Variants in CPNE8 observed in about 807,000 individuals in gnomAD.
The protein encoded by CPNE8 is copine-8.
In CPNE8, 45 loss-of-function variants were observed where a neutral mutation model predicts 81.5. That is an observed-to-expected ratio of 0.55 (90% CI 0.44 to 0.71). CPNE8 has a LOEUF of 0.71. Ranked by LOEUF, CPNE8 falls within the 30% of genes least tolerant of loss-of-function variation. The probability of loss-of-function intolerance (pLI) is 0.00; values close to 1 mark genes in which losing one functional copy is unlikely to be tolerated. For synonymous variants in CPNE8, 252 were observed against 226.3 expected (o/e 1.11, Z -1.02); for missense variants, 594 against 672.1 (o/e 0.88, Z 1.28).
At chr12:38,787,865 A>T (rs374413820) in intron 6 of CPNE8, among the ~76,000 whole-genome samples, 13 of 151,506 alleles carry the variant, frequency 8.6e-5, no homozygotes, top group African/African-American at 2.9e-4. Flanking sequence ...AAATACCTAG[A>T]CATATACAAT....
At chr12:38,699,149 CA>C (rs1304803663) in intron 14 of CPNE8, among the ~76,000 whole-genome samples, 1 of 152,094 alleles carries the variant, frequency 6.6e-6, no homozygotes, top group Non-Finnish European at 1.5e-5. Flanking sequence ...ATGTTTTCTT[CA>C]AAAAATAATT....
At chr12:38,717,775 G>A (rs1157028691) in intron 13 of CPNE8, among the ~76,000 whole-genome samples, 3 of 151,322 alleles carry the variant, frequency 2.0e-5, no homozygotes, top group Admixed American at 6.6e-5. Context: ...ACTTATCCAT[G>A]CAACCAAAAT....
chr12:38,696,834 T>C (rs923934729), intron 14 of CPNE8, among the ~76,000 whole-genome samples: 2 of 152,108 alleles, frequency 1.3e-5, no homozygotes, highest in Non-Finnish European at 2.9e-5. Context: ...CGCTTTGAGC[T>C]CAGGAATTCG....
intron 10 of CPNE8, among the ~76,000 whole-genome samples, chr12:38,752,113 AATAATTAC>A (rs1415197785): frequency 6.6e-6 from 1 of 152,190 alleles, no homozygotes; most frequent in Non-Finnish European, 1.5e-5. Context: ...TAAAACTATA[AATAATTAC>A]ATAATTAACT....
intron 10 of CPNE8, among the ~76,000 whole-genome samples, chr12:38,735,567 C>T (rs917260042): frequency 6.6e-6 from 1 of 152,028 alleles, no homozygotes; most frequent in Non-Finnish European, 1.5e-5. Flanking sequence ...TGACAAACTT[C>T]TCAGCATCTA....
At chr12:38,805,545 A>C (rs1445204140) in intron 6 of CPNE8, among the ~76,000 whole-genome samples, 1 of 111,886 alleles carries the variant, frequency 8.9e-6, no homozygotes, top group Non-Finnish European at 1.9e-5. Context: ...TAGCATTGGG[A>C]GATATACCTA....
At chr12:38,847,310 A>G (rs1057455231) in intron 4 of CPNE8, among the ~76,000 whole-genome samples, 1 of 152,200 alleles carries the variant, frequency 6.6e-6, no homozygotes, top group African/African-American at 2.4e-5. Flanking sequence ...TCTGGGATTA[A>G]GCAGGAAAAA....
chr12:38,841,682 C>G (rs1453650992), intron 4 of CPNE8, among the ~76,000 whole-genome samples: 3 of 152,036 alleles, frequency 2.0e-5, no homozygotes, highest in Non-Finnish European at 2.9e-5. Context: ...AGTGATTCAG[C>G]AATAAGTATA....
chr12:38,667,520 G>A (rs947851332), intron 19 of CPNE8, among the ~76,000 whole-genome samples: 2 of 152,168 alleles, frequency 1.3e-5, no homozygotes, highest in Non-Finnish European at 2.9e-5. Flanking sequence ...TGACCACCAT[G>A]TAGAAACTTC....
intron 10 of CPNE8, among the ~76,000 whole-genome samples, chr12:38,759,187 G>A (rs1403497509): frequency 4.6e-5 from 7 of 152,036 alleles, no homozygotes; most frequent in East Asian, 1.9e-4. Context: ...CTCAAGTATC[G>A]TGTTTTGCAA....
Position 38,685,591 on chromosome 12 carries a change from A to G in CPNE8, c.1170T>C (p.Cys390=), listed in dbSNP as rs1167064336. 1.2e-6 allele frequency: 2 copies of G among 1,613,550 alleles called. No homozygotes were observed. The highest frequency in any genetic ancestry group is 1.7e-6 in the Non-Finnish European group (2 of 1,179,592). The change falls in exon 16 of 20, where the codon TGT becomes TGC. Residue 390 remains cysteine, a synonymous_variant. Transcript: ENST00000331366. Reference sequence around the variant, plus strand: ...CCTCCATGACCCCCTCAATGCCATCACAGTAGGGGTTTTGAGGATTCCCAT... The same window carrying G: ...CCTCCATGACCCCCTCAATGCCATCGCAGTAGGGGTTTTGAGGATTCCCAT... ...ALNGNPQNPY[C]DGIEGVMEAY...
At chr12:38,680,670 AGTT>A (rs1592005742) in intron 16 of CPNE8, among the ~76,000 whole-genome samples, 2 of 152,112 alleles carry the variant, frequency 1.3e-5, no homozygotes, top group African/African-American at 2.4e-5. Context: ...CACCTCTTAG[AGTT>A]GTTGTGAAGA....
At chr12:38,763,356 A>T (rs138456411) in intron 8 of CPNE8, among the ~76,000 whole-genome samples, 1 of 152,246 alleles carries the variant, frequency 6.6e-6, no homozygotes, top group Non-Finnish European at 1.5e-5. Context: ...ATGAGCAAAG[A>T]AGGAGGATGA....
At chr12:38,776,502 G>A (rs1482854100) in intron 6 of CPNE8, among the ~76,000 whole-genome samples, 2 of 151,708 alleles carry the variant, frequency 1.3e-5, no homozygotes, top group Non-Finnish European at 2.9e-5. Context: ...CAGAGATGGG[G>A]TTTCGCCATG....
intron 7 of CPNE8, among the ~76,000 whole-genome samples, chr12:38,769,930 C>A (rs1941767101): frequency 6.6e-6 from 1 of 152,016 alleles, no homozygotes; most frequent in South Asian, 2.1e-4. Context: ...TGCAATTACT[C>A]AGGTTAACAA....
intron 19 of CPNE8, among the ~76,000 whole-genome samples, chr12:38,654,416 G>A (rs1411756804): frequency 6.6e-6 from 1 of 150,552 alleles, no homozygotes; most frequent in African/African-American, 2.4e-5. Context: ...TCGGGAGGCT[G>A]AGGCAGGAGA....
At chr12:38,870,016 T>G (rs901211808) in intron 3 of CPNE8, among the ~76,000 whole-genome samples, 4 of 152,234 alleles carry the variant, frequency 2.6e-5, no homozygotes, top group Non-Finnish European at 5.9e-5. Context: ...AAAGTTTCTT[T>G]CCATTTATAA....
chr12:38,873,965 T>C (rs1037789359), intron 2 of CPNE8, among the ~76,000 whole-genome samples: 3 of 151,926 alleles, frequency 2.0e-5, no homozygotes, highest in Non-Finnish European at 2.9e-5. Context: ...TTTCTTTCTT[T>C]TTTTTTTAAG....
chr12:38,849,299 A>G, intron 3 of CPNE8, among the ~76,000 whole-genome samples: 1 of 152,188 alleles, frequency 6.6e-6, no homozygotes, highest in Non-Finnish European at 1.5e-5. Context: ...AAAATATTCC[A>G]CTTTCTAGTC....
Sources: gnomAD v4.1 joint callset for allele counts (sites outside exome capture counted in the v4.1 genomes callset) on GRCh38, gnomAD v4.1.1 for gene constraint, MANE v1.5 for transcripts, NCBI Gene and HGNC (gene_info 2026-07-23, HGNC 2026-07-21) for gene names.